The following ABHD6 variants were observed in gnomAD, a reference collection of about 807,000 sequenced individuals.
The protein encoded by ABHD6 is abhydrolase domain containing 6, acylglycerol lipase.
A neutral mutation model predicts 38.8 loss-of-function variants in ABHD6; 33 were observed. The observed-to-expected ratio is 0.85, with a 90% CI of 0.64 to 1.14. The LOEUF is 1.14. Among genes scored for constraint, ABHD6 ranks in the 50% most tolerant of loss-of-function variants. ABHD6 has a pLI of 0.00. For missense variants in ABHD6, 380 were observed against 422.6 expected (o/e 0.90, Z 0.88); for synonymous variants, 147 against 161.6 (o/e 0.91, Z 0.69).
At chr3:58,271,140 C>A in intron 6 of ABHD6, 76 bp downstream of exon 6, 1 of 1,458,726 alleles carries the variant, frequency 6.9e-7, no homozygotes, top group Non-Finnish European at 9.1e-7. Context: ...CTGCTATGAC[C>A]GTTTTTTGGA....
chr3:58,278,472 C>G (rs1266966617), intron 7 of ABHD6, among the ~76,000 whole-genome samples: 2 of 152,022 alleles, frequency 1.3e-5, no homozygotes, highest in African/African-American at 4.8e-5. Context: ...TTTATTGTGT[C>G]TATTTGATTC....
chr3:58,245,914 CAGG>C lies in ABHD6; in HGVS notation c.-90-3961_-90-3959del, dbSNP rs142799818. 4.9e-3 allele frequency among the ~76,000 whole-genome samples: 750 copies of C among 152,322 alleles called. 5 individuals are homozygous for C. Among genetic ancestry groups the C allele is most frequent in the African/African-American group, 0.017 (690 of 41,588 alleles). The stretch of plus-strand genomic sequence containing the variant: ...TATTTAAAAGTGCAAGTTTGGCCAA[CAGG>C]AGAATGTTTTGGGTGCTGAGGTTCT... On this transcript the variant is annotated intron_variant, in intron 1 of 9. Coordinates refer to ENST00000478253, the MANE Select transcript of ABHD6 (RefSeq NM_001320126.2).
intron 4 of ABHD6, among the ~76,000 whole-genome samples, chr3:58,268,573 A>T (rs764327807): frequency 6.6e-6 from 1 of 152,056 alleles, no homozygotes; most frequent in Non-Finnish European, 1.5e-5. Context: ...TACCTGAGGG[A>T]TCCCAAGTAT....
At position 58,241,772 on chromosome 3, in the gene ABHD6, A is replaced by G. The variant is rs558458340; in HGVS notation, c.-91+3856A>G. On this transcript the variant is annotated intron_variant, in intron 1 of 9. Transcript: ENST00000478253. ...TGGTGGAGGTATGGCAGGGCTGCCTAACTCTGCCTGTGAAGTCAGGCAAGA... is the reference window on the plus strand; with the variant it reads ...TGGTGGAGGTATGGCAGGGCTGCCTGACTCTGCCTGTGAAGTCAGGCAAGA... Among the ~76,000 whole-genome samples the G allele has an allele frequency of 1.6e-4, 24 of 152,312 alleles. 1 individual carries two copies. The South Asian group carries it at 4.8e-3, about 30-fold the overall frequency.
chr3:58,253,860 A>G (rs568749639), intron 2 of ABHD6, among the ~76,000 whole-genome samples: 14 of 152,334 alleles, frequency 9.2e-5, no homozygotes, highest in African/African-American at 3.1e-4. Flanking sequence ...AGCTTTCATC[A>G]CTGTAGACTC....
At chr3:58,274,392 G>A (rs1403130199) in intron 6 of ABHD6, among the ~76,000 whole-genome samples, 3 of 152,206 alleles carry the variant, frequency 2.0e-5, no homozygotes, top group Admixed American at 2.0e-4. Context: ...AGCAGCGTCT[G>A]CATTTCTTGT....
chr3:58,277,539 C>T (rs1042677055), intron 7 of ABHD6, among the ~76,000 whole-genome samples: 1 of 152,200 alleles, frequency 6.6e-6, no homozygotes, highest in African/African-American at 2.4e-5. Context: ...TCTAAATATA[C>T]AATCATGTCA....
chr3:58,261,280 A>G (rs920627453), intron 3 of ABHD6, among the ~76,000 whole-genome samples: 2 of 152,052 alleles, frequency 1.3e-5, no homozygotes, highest in Non-Finnish European at 2.9e-5. Flanking sequence ...TGCAGATGAC[A>G]CAATTGTGTA....
Position 58,259,868 on chromosome 3 carries a change from G to A in ABHD6, c.119+3163G>A, listed in dbSNP as rs1236731643. Among the ~76,000 whole-genome samples, 1 of 151,960 alleles carries A rather than the reference G, an allele frequency of 6.6e-6. No homozygotes were observed. The highest frequency in any genetic ancestry group is 1.5e-5 in the Non-Finnish European group (1 of 68,026). ...AGTTTCTCCCTCACTTCATCTTCTG[G>A]CAACCACTCATCTACTTCCTGTCTT... On this transcript the variant is annotated intron_variant, in intron 3 of 9. Transcript: ENST00000478253. This position sits in a 1 kb window ranked among gnomAD's most constrained non-coding sequence, Gnocchi z 4.7.
intron 5 of ABHD6, among the ~76,000 whole-genome samples, chr3:58,270,564 C>T (rs2097444137): frequency 6.6e-6 from 1 of 150,582 alleles, no homozygotes; most frequent in African/African-American, 2.5e-5. Flanking sequence ...GTTCTAGCTA[C>T]TCGGGAGGCT....
At chr3:58,274,598 A>G (rs952720655) in intron 6 of ABHD6, 60 bp from the exon 7 acceptor site, 39 of 1,547,810 alleles carry the variant, frequency 2.5e-5, no homozygotes, top group Non-Finnish European at 3.1e-5. Context: ...TTCCCTATAT[A>G]AAATGGGATT....
Position 58,285,006 on chromosome 3 carries a change from A to G in ABHD6, c.682-79A>G. The G allele has an allele frequency of 7.3e-7, 1 of 1,376,232 alleles. No homozygotes were observed. The highest frequency in any genetic ancestry group is 1.0e-6 in the Non-Finnish European group (1 of 963,668). The allele number at this position is 1,376,232 out of a possible 1,614,324, so 85.3% of individuals were successfully genotyped here. ...CAATAAATTGCTGGACCTCATTCCC[A>G]TTCATTGTCCCAGAGCTGTGAGAGG... On this transcript the variant is annotated intron_variant, in intron 7 of 9. Coordinates refer to ENST00000478253, the MANE Select transcript of ABHD6 (RefSeq NM_001320126.2). This position sits in a 1 kb window ranked among gnomAD's most constrained non-coding sequence, Gnocchi z 4.9.
At chr3:58,240,268 T>G (rs945045077) in intron 1 of ABHD6, among the ~76,000 whole-genome samples, 18 of 152,048 alleles carry the variant, frequency 1.2e-4, no homozygotes, top group African/African-American at 3.6e-4. Context: ...AGAGATGAAG[T>G]CTCACTGTGT....
Position 58,267,133 on chromosome 3 carries a change from G to T in ABHD6, c.120-56G>T, listed in dbSNP as rs546433774. On this transcript the variant is annotated intron_variant, in intron 3 of 9. Transcript: ENST00000478253. The surrounding 1 kb of genome is among the most constrained non-coding windows in gnomAD (Gnocchi z 4.3). ...AGAGAGGACCTGTGCCCATCTTGAA[G>T]CCACTCATCTAGAGCTTACTGATTT... 1 of 1,581,060 alleles carries T rather than the reference G, an allele frequency of 6.3e-7. No homozygotes were observed. Among genetic ancestry groups the T allele is most frequent in the Middle Eastern group, 2.0e-4 (1 of 4,962 alleles).
Position 58,293,669 on chromosome 3 carries a change from C to T in ABHD6, c.918C>T (p.His306=). ...CQVELLENCG[H]SVVMERPRKT... is the part of the protein sequence containing the mutation. ...TGGAGCTTCTGGAAAACTGTGGGCA[C>T]TCAGTAGTGATGGAAAGACCCAGGA... Residue 306 remains histidine, a synonymous_variant, in exon 10 of 10, where the codon CAC becomes CAT. Transcript: ENST00000478253. This position sits in a 1 kb window ranked among gnomAD's most constrained non-coding sequence, Gnocchi z 4.4. The T allele has an allele frequency of 1.2e-6, 2 of 1,614,214 alleles. No homozygotes were observed. The highest frequency in any genetic ancestry group is 1.7e-6 in the Non-Finnish European group (2 of 1,180,038).
chr3:58,286,169 G>A (rs1005313245), intron 9 of ABHD6, among the ~76,000 whole-genome samples: 2 of 152,030 alleles, frequency 1.3e-5, no homozygotes, highest in East Asian at 1.9e-4. Flanking sequence ...ACAGGCACCC[G>A]CCACCATGCC....
chr3:58,248,367 A>C lies in ABHD6; in HGVS notation c.-90-1511A>C, dbSNP rs534367752. Among the ~76,000 whole-genome samples, 6 of 152,322 alleles carry C rather than the reference A, an allele frequency of 3.9e-5. No homozygotes were observed. In the East Asian group the frequency reaches 1.2e-3, roughly 29 times the overall value. On this transcript the variant is annotated intron_variant, in intron 1 of 9. Transcript: ENST00000478253. The stretch of plus-strand genomic sequence containing the variant: ...GTAATACTCTTACGCAAACGTTTTC[A>C]CACATAATCAGGCATAAACATAGAT...
intron 7 of ABHD6, among the ~76,000 whole-genome samples, chr3:58,281,408 C>T (rs1170723326): frequency 1.3e-5 from 2 of 152,200 alleles, no homozygotes; most frequent in African/African-American, 2.4e-5. Flanking sequence ...GAGCCAGGCA[C>T]GGGAGAGAAT....
intron 7 of ABHD6, among the ~76,000 whole-genome samples, chr3:58,278,929 C>G (rs1464579210): frequency 6.6e-6 from 1 of 152,178 alleles, no homozygotes; most frequent in Non-Finnish European, 1.5e-5. Context: ...GTTTCTTAAT[C>G]CTGAGCTCTA....
Sources: gnomAD v4.1 joint callset for allele counts (sites outside exome capture counted in the v4.1 genomes callset) on GRCh38, gnomAD v4.1.1 for gene constraint, Gnocchi (gnomAD v3.1) non-coding constraint, MANE v1.5 for transcripts, NCBI Gene and HGNC (gene_info 2026-07-23, HGNC 2026-07-21) for gene names.